WWOX: variants seen among roughly 807,000 people sequenced by gnomAD.
WWOX encodes WW domain-containing oxidoreductase.
Under a neutral mutation model 46.2 loss-of-function variants are expected in WWOX, and 69 were observed. The observed-to-expected ratio is 1.49, with a 90% CI of 1.23 to 1.82. The LOEUF (loss-of-function observed/expected upper bound fraction) is 1.82. Among genes scored for constraint, WWOX ranks in the 40% most tolerant of loss-of-function variants. WWOX has a pLI of 0.00. For missense variants in WWOX, 919 were observed against 542.6 expected (o/e 1.69, Z -6.89); for synonymous variants, 359 against 202.6 (o/e 1.77, Z -6.56).
At chr16:78,154,116 C>G (rs181250413) in intron 4 of WWOX, among the ~76,000 whole-genome samples, 1 of 152,184 alleles carries the variant, frequency 6.6e-6, no homozygotes, top group Non-Finnish European at 1.5e-5. Flanking sequence ...ACTTGCCAAG[C>G]TCACCAGTGG....
intron 4 of WWOX, among the ~76,000 whole-genome samples, chr16:78,148,044 A>G (rs973177267): frequency 6.6e-5 from 10 of 152,140 alleles, no homozygotes; most frequent in South Asian, 2.1e-4. Context: ...GGAGGCCTCA[A>G]TGGTGAAAGG....
At chr16:78,876,513 G>A (rs2044237347) in intron 8 of WWOX, among the ~76,000 whole-genome samples, 1 of 149,984 alleles carries the variant, frequency 6.7e-6, no homozygotes. Context: ...AAGATCTGCT[G>A]TCTTGTGAAT....
intron 8 of WWOX, among the ~76,000 whole-genome samples, chr16:78,545,385 A>G (rs1400818138): frequency 6.6e-6 from 1 of 152,168 alleles, no homozygotes; most frequent in Non-Finnish European, 1.5e-5. Context: ...TCTTTTAAAA[A>G]AAAAATTCTT....
intron 8 of WWOX, among the ~76,000 whole-genome samples, chr16:78,490,457 T>A (rs1355446385): frequency 6.6e-6 from 1 of 152,212 alleles, no homozygotes; most frequent in Non-Finnish European, 1.5e-5. Context: ...TCTCTTGTGA[T>A]CATTGTTGTA....
intron 8 of WWOX, among the ~76,000 whole-genome samples, chr16:79,096,743 C>T (rs1370275190): frequency 6.6e-6 from 1 of 152,152 alleles, no homozygotes; most frequent in African/African-American, 2.4e-5. Flanking sequence ...AGGTATTTCA[C>T]CTGTTTTGTT....
At chr16:78,622,170 C>G (rs549441346) in intron 8 of WWOX, among the ~76,000 whole-genome samples, 6 of 152,210 alleles carry the variant, frequency 3.9e-5, no homozygotes, top group African/African-American at 1.4e-4. Context: ...GGATTCTATC[C>G]TTTTTCTCTC....
intron 8 of WWOX, among the ~76,000 whole-genome samples, chr16:78,597,047 C>A (rs563137384): frequency 2.0e-5 from 3 of 152,334 alleles, no homozygotes; most frequent in East Asian, 3.9e-4. Flanking sequence ...TGCTCCCCTA[C>A]CCTCTTCTGC....
chr16:78,529,167 C>A (rs1411288124), intron 8 of WWOX, among the ~76,000 whole-genome samples: 1 of 151,802 alleles, frequency 6.6e-6, no homozygotes, highest in Non-Finnish European at 1.5e-5. Flanking sequence ...ATTGCCCAGG[C>A]TGGTCTTGAA....
intron 8 of WWOX, among the ~76,000 whole-genome samples, chr16:79,065,110 T>C (rs761242635): frequency 6.6e-6 from 1 of 152,196 alleles, no homozygotes; most frequent in Non-Finnish European, 1.5e-5. Flanking sequence ...ATTAGTGTTC[T>C]TGTTTCTCTT....
chr16:78,509,455 T>A (rs1341927421), intron 8 of WWOX, among the ~76,000 whole-genome samples: 6 of 149,882 alleles, frequency 4.0e-5, no homozygotes, highest in African/African-American at 1.5e-4. Context: ...AAAAAAATAA[T>A]ATAATAATAA....
chr16:78,220,676 C>A (rs937574829), intron 5 of WWOX, among the ~76,000 whole-genome samples: 2 of 152,034 alleles, frequency 1.3e-5, no homozygotes, highest in Non-Finnish European at 2.9e-5. Context: ...GACAAGTGAA[C>A]CATTTACTTT....
chr16:79,205,392 G>C (rs529797218), intron 8 of WWOX: 78 of 152,282 alleles, frequency 5.1e-4, no homozygotes, highest in African/African-American at 1.8e-3. Flanking sequence ...TTGTGAACCT[G>C]TTGCTAGCAA....
At chr16:78,129,515 C>G (rs543547351) in intron 4 of WWOX, among the ~76,000 whole-genome samples, 6 of 152,074 alleles carry the variant, frequency 3.9e-5, no homozygotes, top group Non-Finnish European at 8.8e-5. Context: ...TGTGTGCAGT[C>G]CATTGTCATG....
At chr16:79,127,034 T>A (rs766239834) in intron 8 of WWOX, among the ~76,000 whole-genome samples, 53 of 152,226 alleles carry the variant, frequency 3.5e-4, no homozygotes, top group African/African-American at 4.8e-4. Context: ...TATTTTTTTT[T>A]AAATTAGGAT....
At chr16:78,979,045 G>A (rs772101931) in intron 8 of WWOX, among the ~76,000 whole-genome samples, 35 of 150,974 alleles carry the variant, frequency 2.3e-4, no homozygotes, top group Non-Finnish European at 8.8e-5. Flanking sequence ...TCTCCTTTAC[G>A]GCCAGGTCTC....
chr16:78,767,414 G>A (rs896557707), intron 8 of WWOX, among the ~76,000 whole-genome samples: 6 of 151,786 alleles, frequency 4.0e-5, no homozygotes, highest in African/African-American at 4.8e-5. Context: ...AGATGACTGC[G>A]CCACCACACC....
chr16:78,589,865 G>T (rs186147988), intron 8 of WWOX, among the ~76,000 whole-genome samples: 286 of 152,238 alleles, frequency 1.9e-3, no homozygotes, highest in Non-Finnish European at 3.0e-3. Flanking sequence ...TAGCTGCAAG[G>T]GGGGAAAAAT....
intron 8 of WWOX, among the ~76,000 whole-genome samples, chr16:78,637,621 G>A (rs1320541457): frequency 6.6e-6 from 1 of 152,132 alleles, no homozygotes; most frequent in Non-Finnish European, 1.5e-5. Flanking sequence ...CCAGATCAAA[G>A]AAAGATAAAA....
chr16:79,002,187 A>G (rs1281080939), intron 8 of WWOX, among the ~76,000 whole-genome samples: 2 of 147,642 alleles, frequency 1.4e-5, no homozygotes, highest in African/African-American at 5.1e-5. Context: ...TGTTATCTGA[A>G]ATTTAGATTT....
Sources: gnomAD v4.1 joint callset for allele counts (sites outside exome capture counted in the v4.1 genomes callset) on GRCh38, gnomAD v4.1.1 for gene constraint, MANE v1.5 for transcripts, NCBI Gene and HGNC (gene_info 2026-07-23, HGNC 2026-07-21) for gene names.